Variants in RBM28 observed in about 807,000 individuals in gnomAD.
The protein encoded by RBM28 is RNA-binding protein 28.
In RBM28, 78 loss-of-function variants were observed where a neutral mutation model predicts 98.3. That is an observed-to-expected ratio of 0.79 (90% CI 0.66 to 0.96). The LOEUF (loss-of-function observed/expected upper bound fraction) is 0.96, where lower values mean the gene tolerates loss of function less well. Ranked by LOEUF, RBM28 falls within the 40% of genes least tolerant of loss-of-function variation. RBM28 has a pLI of 0.00. For synonymous variants in RBM28, 306 were observed against 330.9 expected (o/e 0.92, Z 0.82); for missense variants, 838 against 913.0 (o/e 0.92, Z 1.06).
At chr7:128,324,123 T>C (rs1041386848) in intron 12 of RBM28, among the ~76,000 whole-genome samples, 1 of 152,230 alleles carries the variant, frequency 6.6e-6, no homozygotes, top group African/African-American at 2.4e-5. Flanking sequence ...CTGTGTGACC[T>C]AGAAGAATTT....
In RBM28 at chr7:128,299,254, A is replaced by G. The variant is rs1017564975; in HGVS notation, c.*11543T>C. ...AGCAGAAAGGCAAGGCAAGGCAGGG[A>G]AGCAGGCTTAGGATTGGCTAATCTG... On this transcript the variant is annotated 3_prime_UTR_variant, in exon 19 of 19. Transcript: ENST00000223073. 6.6e-6 allele frequency: 1 copy of G among 152,212 alleles called. No individual in the cohort carries two copies. The highest frequency in any genetic ancestry group is 1.5e-5 in the Non-Finnish European group (1 of 68,090). 9.4% of individuals were successfully genotyped at this position (152,212 alleles called of 1,614,324 possible). A position where few individuals can be genotyped will look rare whatever the true frequency, so the allele number is the denominator to read the frequency against.
At chr7:128,325,277 T>A (rs957932096) in intron 11 of RBM28, among the ~76,000 whole-genome samples, 1 of 152,154 alleles carries the variant, frequency 6.6e-6, no homozygotes, top group African/African-American at 2.4e-5. Context: ...AGTTGATTAG[T>A]CCCAAAGTAG....
Position 128,324,614 on chromosome 7 carries a change from C to T in RBM28, c.1284G>A (p.Thr428=), listed in dbSNP as rs144509151. The T allele has an allele frequency of 2.6e-4, 421 of 1,614,190 alleles. No homozygotes were observed. Among genetic ancestry groups the T allele is most frequent in the Middle Eastern group, 6.6e-4 (4 of 6,062 alleles). The change falls in exon 12 of 19, where the codon ACG becomes ACA. Residue 428 remains threonine, a synonymous_variant. Coordinates refer to ENST00000223073, the MANE Select transcript of RBM28 (RefSeq NM_018077.3). ...TGCCAGTCGGCTTCTTCACCTTCGT[C>T]GTCTGAAGCTTTGCAGCCTCATCAC... ...VTRDEAAKLQ[T]TKVKKPTGTR... is the part of the protein sequence containing the mutation.
In RBM28 at chr7:128,321,274, T is replaced by C. The variant is rs1290749765; in HGVS notation, c.1555A>G (p.Ile519Val). 1.2e-6 allele frequency: 2 copies of C among 1,614,212 alleles called. No homozygotes were observed. Among genetic ancestry groups the C allele is most frequent in the Non-Finnish European group, 1.7e-6 (2 of 1,180,012 alleles). Residue 519 changes from isoleucine (I) to valine (V), a missense_variant, in exon 14 of 19, where the codon ATC (isoleucine) becomes GTC (valine). Ile to Val is a conservative substitution (Grantham distance 29). Transcript: ENST00000223073. The stretch of plus-strand genomic sequence containing the variant: ...TCAGGGCCACGTCTCACCTCCTTGA[T>C]GCGCACCCCTTTCTCTCCACTAGTA... ...SATSGEKGVRIKECRVMRDLK... is the reference protein window; with the variant it reads ...SATSGEKGVRVKECRVMRDLK...
At chr7:128,328,788 T>C (rs1000146744) in intron 10 of RBM28, among the ~76,000 whole-genome samples, 8 of 152,282 alleles carry the variant, frequency 5.3e-5, no homozygotes, top group Non-Finnish European at 8.8e-5. Flanking sequence ...ACATGAGAGC[T>C]GCAGGTACCT....
At chr7:128,331,508 T>C (rs1796480184) in intron 9 of RBM28, among the ~76,000 whole-genome samples, 1 of 152,134 alleles carries the variant, frequency 6.6e-6, no homozygotes, top group South Asian at 2.1e-4. Context: ...TACTACAAAC[T>C]AGAAGACTCA....
intron 13 of RBM28, 90 bp from the exon 14 acceptor site, chr7:128,321,514 A>T: frequency 1.3e-6 from 2 of 1,498,214 alleles, no homozygotes; most frequent in Non-Finnish European, 1.8e-6. Flanking sequence ...TATGATCCTC[A>T]TCCCATAACC....
Position 128,309,281 on chromosome 7 carries a change from T to C in RBM28, c.*1516A>G, listed in dbSNP as rs1298792884. 1 of 152,056 alleles carries C rather than the reference T, an allele frequency of 6.6e-6. No individual in the cohort carries two copies. Among genetic ancestry groups the C allele is most frequent in the African/African-American group, 2.4e-5 (1 of 41,396 alleles). 9.4% of individuals were successfully genotyped at this position (152,056 alleles called of 1,614,324 possible). A position where few individuals can be genotyped will look rare whatever the true frequency, so the allele number is the denominator to read the frequency against. On this transcript the variant is annotated 3_prime_UTR_variant, in exon 19 of 19. Transcript: ENST00000223073. Reference sequence around the variant, plus strand: ...AACTGGAGAGACAAACAATTTCAGATAGAGATTAGTGCTAGAAAGAGACAA... The same window carrying C: ...AACTGGAGAGACAAACAATTTCAGACAGAGATTAGTGCTAGAAAGAGACAA...
Position 128,313,834 on chromosome 7 carries a change from A to G in RBM28, c.2046-560T>C, listed in dbSNP as rs561629017. 1.3e-3 allele frequency among the ~76,000 whole-genome samples: 202 copies of G among 152,262 alleles called. 1 individual carries two copies. The highest frequency in any genetic ancestry group is 2.3e-3 in the Non-Finnish European group (158 of 68,014). On this transcript the variant is annotated intron_variant, in intron 17 of 18. Coordinates refer to ENST00000223073, the MANE Select transcript of RBM28 (RefSeq NM_018077.3). ...AAAACACTCCCCCCTGCTCCTGGCCATGTGATGTGCCAGCTCCCACTTCAC... is the reference window on the plus strand; with the variant it reads ...AAAACACTCCCCCCTGCTCCTGGCCGTGTGATGTGCCAGCTCCCACTTCAC...
In RBM28 at chr7:128,304,602, TGG is replaced by T. The variant is rs900779256; in HGVS notation, c.*6193_*6194del. The T allele has an allele frequency of 6.6e-6, 1 of 152,336 alleles. No homozygotes were observed. The highest frequency in any genetic ancestry group is 2.4e-5 in the African/African-American group (1 of 41,430). The allele number at this position is 152,336 out of a possible 1,614,324, so 9.4% of individuals were successfully genotyped here. A position where few individuals can be genotyped will look rare whatever the true frequency, so the allele number is the denominator to read the frequency against. On this transcript the variant is annotated 3_prime_UTR_variant, in exon 19 of 19. Transcript: ENST00000223073. Reference sequence around the variant, plus strand: ...AGGGAGGTTTTCCATCTTGCTGGTTTGGTGAGGGAGGCTGCTTTCAGATTTCA... The same window carrying T: ...AGGGAGGTTTTCCATCTTGCTGGTTTTGAGGGAGGCTGCTTTCAGATTTCA...
chr7:128,312,155 A>C (rs1795998279), intron 18 of RBM28, among the ~76,000 whole-genome samples: 1 of 152,216 alleles, frequency 6.6e-6, no homozygotes. Flanking sequence ...ACGGTGGCTC[A>C]CACCTGTAAT....
In RBM28 at chr7:128,303,830, T is replaced by A. The variant is rs1163328732; in HGVS notation, c.*6967A>T. 1.3e-5 allele frequency: 2 copies of A among 152,182 alleles called. No individual in the cohort carries two copies. Among genetic ancestry groups the A allele is most frequent in the African/African-American group, 4.8e-5 (2 of 41,438 alleles). The allele number at this position is 152,182 out of a possible 1,614,324, so 9.4% of individuals were successfully genotyped here. ...TTCTTCCCAGGCGGGGTCAACTTCC[T>A]CTATTAACACCCATGCACGTATCAG... On this transcript the variant is annotated 3_prime_UTR_variant, in exon 19 of 19. Coordinates refer to ENST00000223073, the MANE Select transcript of RBM28 (RefSeq NM_018077.3).
chr7:128,327,170 A>G (rs547823347), intron 10 of RBM28, among the ~76,000 whole-genome samples: 42 of 152,298 alleles, frequency 2.8e-4, no homozygotes, highest in African/African-American at 9.9e-4. Context: ...AAATATCCAC[A>G]TGAAATGGTA....
intron 17 of RBM28, among the ~76,000 whole-genome samples, chr7:128,313,611 A>G (rs1796037163): frequency 6.6e-6 from 1 of 152,210 alleles, no homozygotes; most frequent in Admixed American, 6.5e-5. Context: ...CCTGGGCAAC[A>G]GAGCAAGACC....
chr7:128,318,105 C>A lies in RBM28; in HGVS notation c.1565G>T (p.Cys522Phe), dbSNP rs1253524575. 3.1e-6 allele frequency: 5 copies of A among 1,610,680 alleles called. No individual in the cohort carries two copies. In the South Asian group the frequency reaches 5.5e-5, roughly 18 times the overall value. ...TCCTTTGAGGTCTCGCATCACTCTA[C>A]ACTATGAGTAGAGCAAGAAAAAAAT... ...SGEKGVRIKE[C>F]RVMRDLKGVH... The change falls in exon 15 of 19, where the codon TGT (cysteine) becomes TTT (phenylalanine). Residue 522 changes from cysteine (C) to phenylalanine (F), a missense_variant and splice_region_variant. Cys to Phe is a radical substitution (Grantham distance 205, BLOSUM62 -2). Coordinates refer to ENST00000223073, the MANE Select transcript of RBM28 (RefSeq NM_018077.3).
intron 2 of RBM28, 131 bp from the exon 3 acceptor site, chr7:128,339,452 A>C (rs1204209183): frequency 5.3e-6 from 6 of 1,125,586 alleles, no homozygotes; most frequent in Non-Finnish European, 6.5e-6. Context: ...AATACCAAGG[A>C]ATACCAGATT....
At chr7:128,328,277 A>G (rs934320228) in intron 10 of RBM28, among the ~76,000 whole-genome samples, 21 of 152,264 alleles carry the variant, frequency 1.4e-4, no homozygotes, top group African/African-American at 5.1e-4. Context: ...GAATCTAATT[A>G]GATTGAATAT....
intron 17 of RBM28, among the ~76,000 whole-genome samples, chr7:128,314,294 A>C (rs1796057997): frequency 1.3e-5 from 2 of 151,818 alleles, no homozygotes; most frequent in African/African-American, 4.9e-5. Context: ...ACCCAGTCTC[A>C]GGTATTTCTT....
Position 128,310,696 on chromosome 7 carries a change from G to C in RBM28, c.*101C>G. The C allele has an allele frequency of 6.7e-7, 1 of 1,500,148 alleles. No homozygotes were observed. The highest frequency in any genetic ancestry group is 9.2e-7 in the Non-Finnish European group (1 of 1,086,560). 92.9% of individuals were successfully genotyped at this position (1,500,148 alleles called of 1,614,324 possible). ...CGAGCACAGTGGCAGTGCCCTTGGG[G>C]ATTTTCTTTCCCTCAGTGAGAGACA... On this transcript the variant is annotated 3_prime_UTR_variant, in exon 19 of 19. Coordinates refer to ENST00000223073, the MANE Select transcript of RBM28 (RefSeq NM_018077.3).
Sources: allele counts gnomAD v4.1 joint callset (sites outside exome capture counted in the v4.1 genomes callset), GRCh38; gene constraint gnomAD v4.1.1; transcripts MANE v1.5; gene names NCBI Gene and HGNC (gene_info 2026-07-23, HGNC 2026-07-21).